The following SDK1 variants were observed in gnomAD, a reference collection of about 807,000 sequenced individuals.
SDK1 encodes the protein sidekick cell adhesion molecule 1.
In SDK1, 157 loss-of-function variants were observed where a neutral mutation model predicts 245.5. The ratio of observed to expected loss-of-function variants is 0.64; its 90% CI spans 0.56 to 0.73. The LOEUF is 0.73. Ranked by LOEUF, SDK1 falls within the 30% of genes least tolerant of loss-of-function variation. The pLI, the probability that SDK1 is intolerant of heterozygous loss-of-function variation, is 0.00. For missense variants in SDK1, 3,583 were observed against 3,002.3 expected, an observed-to-expected ratio of 1.19 and a Z score of -4.52; for synonymous variants, 1,647 against 1,278.5, an observed-to-expected ratio of 1.29 and a Z score of -6.15.
At chr7:3,758,360 C>T (rs539546190) in intron 4 of SDK1, among the ~76,000 whole-genome samples, 1 of 152,168 alleles carries the variant, frequency 6.6e-6, no homozygotes, top group African/African-American at 2.4e-5. Context: ...TAAAGGAAAT[C>T]TGTCCCATCT....
At chr7:4,173,766 G>A (rs1410625365) in intron 32 of SDK1, among the ~76,000 whole-genome samples, 1 of 152,202 alleles carries the variant, frequency 6.6e-6, no homozygotes, top group African/African-American at 2.4e-5. Flanking sequence ...GGAGGCATCA[G>A]TGAGGGGTAC....
chr7:3,825,966 G>T (rs1296490010), intron 5 of SDK1, among the ~76,000 whole-genome samples: 1 of 152,188 alleles, frequency 6.6e-6, no homozygotes, highest in Non-Finnish European at 1.5e-5. Flanking sequence ...ACCAAGCATA[G>T]TTTTATAGAT....
In SDK1 at chr7:3,828,222, G is replaced by A. The variant is rs565590717; in HGVS notation, c.847+6639G>A. 2.4e-4 allele frequency among the ~76,000 whole-genome samples: 37 copies of A among 152,068 alleles called. No homozygotes were observed. The South Asian group carries it at 7.7e-3, about 32-fold the overall frequency. ...GAACCTGGGAAGTGAAGGCTGCAGT[G>A]AGCCGAGATCACTCCACTGCACTCC... On this transcript the variant is annotated intron_variant, in intron 5 of 44. Coordinates refer to ENST00000404826, the MANE Select transcript of SDK1 (RefSeq NM_152744.4).
chr7:3,369,845 G>A (rs1781179595), intron 1 of SDK1, among the ~76,000 whole-genome samples: 1 of 152,120 alleles, frequency 6.6e-6, no homozygotes, highest in Admixed American at 6.5e-5. Context: ...CGCATTTATG[G>A]CGTGCAGTGT....
At chr7:3,724,025 G>C (rs1305554797) in intron 4 of SDK1, among the ~76,000 whole-genome samples, 1 of 151,520 alleles carries the variant, frequency 6.6e-6, no homozygotes, top group Non-Finnish European at 1.5e-5. Context: ...GTACAGTGGT[G>C]TGATCTCGGC....
At chr7:3,943,361 C>T (rs1197922294) in intron 5 of SDK1, among the ~76,000 whole-genome samples, 1 of 106,230 alleles carries the variant, frequency 9.4e-6, no homozygotes, top group Admixed American at 8.8e-5. Context: ...TCTGCCTCCC[C>T]GTCCCCTCCC....
intron 4 of SDK1, among the ~76,000 whole-genome samples, chr7:3,809,834 C>A (rs998465890): frequency 6.6e-6 from 1 of 152,144 alleles, no homozygotes; most frequent in Non-Finnish European, 1.5e-5. Flanking sequence ...GTGCCTCGTT[C>A]CGCAGAAAGT....
intron 4 of SDK1, among the ~76,000 whole-genome samples, chr7:3,672,483 AAAG>A (rs1162185659): frequency 6.6e-6 from 1 of 150,696 alleles, no homozygotes; most frequent in African/African-American, 2.4e-5. Flanking sequence ...ACATACAGGC[AAAG>A]AAGAAAGATG....
chr7:3,889,829 C>T (rs1035583513), intron 5 of SDK1, among the ~76,000 whole-genome samples: 1 of 152,098 alleles, frequency 6.6e-6, no homozygotes, highest in Non-Finnish European at 1.5e-5. Context: ...TACTAGAAGG[C>T]GGAGGTTGTG....
rs543305120 is a variant in SDK1 at position 3,518,292 on chromosome 7, T to C, written c.299-100788T>C. 3.3e-5 allele frequency among the ~76,000 whole-genome samples: 5 copies of C among 152,184 alleles called. No individual in the cohort carries two copies. In the East Asian group the frequency reaches 9.7e-4, roughly 29 times the overall value. ...AGGACATTGATCTGGGAAATAATTTTATGAATAATATCTCAAAAACACAGG... is the reference window on the plus strand; with the variant it reads ...AGGACATTGATCTGGGAAATAATTTCATGAATAATATCTCAAAAACACAGG... On this transcript the variant is annotated intron_variant, in intron 1 of 44. Transcript: ENST00000404826.
chr7:3,881,574 G>A (rs540833545), intron 5 of SDK1, among the ~76,000 whole-genome samples: 97 of 152,188 alleles, frequency 6.4e-4, no homozygotes, highest in Non-Finnish European at 1.2e-3. Context: ...ATGCATATGC[G>A]TGCATACATC....
Position 4,010,715 on chromosome 7 carries a change from G to A in SDK1, c.2132-251G>A, listed in dbSNP as rs188236231. On this transcript the variant is annotated intron_variant, in intron 14 of 44. Transcript: ENST00000404826. ...TTTGGTTCCTTTTAAACCGCCGTAT[G>A]CAGGTTGCACAAAAAAATCCTTTTG... is the stretch of plus-strand genomic sequence containing the variant. 3.3e-3 allele frequency among the ~76,000 whole-genome samples: 506 copies of A among 152,294 alleles called. 6 individuals carry two copies. Among genetic ancestry groups the A allele is most frequent in the Non-Finnish European group, 6.5e-3 (445 of 68,034 alleles).
intron 27 of SDK1, among the ~76,000 whole-genome samples, 186 bp from the exon 28 acceptor site, chr7:4,132,139 T>C (rs1784869265): frequency 6.6e-6 from 1 of 152,146 alleles, no homozygotes; most frequent in Admixed American, 6.5e-5. Flanking sequence ...TCAAGATCCT[T>C]AGGGAGCCAC....
At chr7:3,899,813 G>C (rs546035943) in intron 5 of SDK1, among the ~76,000 whole-genome samples, 16 of 152,286 alleles carry the variant, frequency 1.1e-4, no homozygotes, top group African/African-American at 3.9e-4. Context: ...CTCTATAGGG[G>C]GCGTTACCAG....
chr7:3,463,975 G>T (rs1251256971), intron 1 of SDK1, among the ~76,000 whole-genome samples: 1 of 152,124 alleles, frequency 6.6e-6, no homozygotes, highest in Non-Finnish European at 1.5e-5. Flanking sequence ...TTACCCAGAG[G>T]ACCAGGCAGA....
intron 4 of SDK1, among the ~76,000 whole-genome samples, chr7:3,692,051 C>T (rs1378869089): frequency 6.6e-6 from 1 of 152,040 alleles, no homozygotes; most frequent in Non-Finnish European, 1.5e-5. Flanking sequence ...CAGAATATAG[C>T]TGTGAGCAAG....
chr7:4,201,086 A>G (rs1189526095), intron 35 of SDK1, among the ~76,000 whole-genome samples: 1 of 152,220 alleles, frequency 6.6e-6, no homozygotes, highest in African/African-American at 2.4e-5. Flanking sequence ...TCCTAGGGCT[A>G]TGCACTTGCC....
In SDK1 at chr7:3,831,093, G is replaced by C. The variant is rs186239927; in HGVS notation, c.847+9510G>C. Among the ~76,000 whole-genome samples the C allele has an allele frequency of 3.7e-3, 566 of 152,240 alleles. 20 individuals are homozygous for C. The highest frequency in any genetic ancestry group is 0.033 in the Admixed American group (501 of 15,296). On this transcript the variant is annotated intron_variant, in intron 5 of 44. Transcript: ENST00000404826. ...TTGGAGGGCACAAACAAGGGGGATG[G>C]AAAATTGAATTTTTCCTGCAGTCAT...
intron 5 of SDK1, among the ~76,000 whole-genome samples, chr7:3,847,572 C>G (rs1228030408): frequency 6.6e-6 from 1 of 152,172 alleles, no homozygotes; most frequent in Non-Finnish European, 1.5e-5. Context: ...CTGCTTCTCA[C>G]GCTGGTCTTT....
Sources: allele counts gnomAD v4.1 joint callset (sites outside exome capture counted in the v4.1 genomes callset), GRCh38; gene constraint gnomAD v4.1.1; transcripts MANE v1.5; gene names NCBI Gene and HGNC (gene_info 2026-07-23, HGNC 2026-07-21).